Variants in DLGAP2 observed in about 807,000 individuals in gnomAD.
DLGAP2 encodes DLG associated protein 2.
DLGAP2 carries 26 observed loss-of-function variants against 100.3 expected under a neutral mutation model. The ratio of observed to expected loss-of-function variants is 0.26; its 90% CI spans 0.19 to 0.36. The LOEUF (loss-of-function observed/expected upper bound fraction) is 0.36, where lower values mean the gene tolerates loss of function less well. Ranked by LOEUF, DLGAP2 falls within the 10% of genes least tolerant of loss-of-function variation. DLGAP2 has a pLI of 1.00. For synonymous variants in DLGAP2, 886 were observed against 630.1 expected (o/e 1.41, Z -6.08); for missense variants, 1,858 against 1,453.2 (o/e 1.28, Z -4.53).
At chr8:871,845 C>T (rs181385564) in intron 1 of DLGAP2, among the ~76,000 whole-genome samples, 2 of 152,266 alleles carry the variant, frequency 1.3e-5, no homozygotes, top group Admixed American at 6.5e-5. Flanking sequence ...GTGGGCCCAC[C>T]TACTTGTTGG....
chr8:768,342 A>T (rs150146281), intron 1 of DLGAP2, among the ~76,000 whole-genome samples: 10 of 152,030 alleles, frequency 6.6e-5, no homozygotes, highest in Non-Finnish European at 1.5e-4. Flanking sequence ...AAATTACTCA[A>T]ATAACTGTTA....
chr8:972,804 AG>A (rs1800049284), intron 2 of DLGAP2, among the ~76,000 whole-genome samples: 1 of 152,148 alleles, frequency 6.6e-6, no homozygotes, highest in Non-Finnish European at 1.5e-5. Flanking sequence ...ACTTGAGATT[AG>A]GGAGTGGTGA....
At chr8:1,561,402 C>G (rs1802156410) in intron 5 of DLGAP2, among the ~76,000 whole-genome samples, 1 of 152,108 alleles carries the variant, frequency 6.6e-6, no homozygotes, top group Non-Finnish European at 1.5e-5. Context: ...TTAGAAGAAC[C>G]CGGCTGGAGA....
chr8:1,553,852 G>T (rs1007079422), intron 5 of DLGAP2, among the ~76,000 whole-genome samples: 3 of 152,222 alleles, frequency 2.0e-5, no homozygotes, highest in Admixed American at 2.0e-4. Context: ...GAGGTTTCCA[G>T]TTAGGTACAA....
chr8:1,226,827 G>A (rs1343240162), intron 2 of DLGAP2, among the ~76,000 whole-genome samples: 1 of 151,946 alleles, frequency 6.6e-6, no homozygotes, highest in African/African-American at 2.4e-5. Flanking sequence ...ACCACCTCAT[G>A]CCCACCAAAT....
intron 2 of DLGAP2, among the ~76,000 whole-genome samples, chr8:1,223,390 G>T (rs1404173495): frequency 6.6e-6 from 1 of 152,088 alleles, no homozygotes; most frequent in Admixed American, 6.5e-5. Flanking sequence ...CCGCGGTGCT[G>T]CATTTTTTAA....
At chr8:1,250,972 A>C (rs1321781757) in intron 2 of DLGAP2, among the ~76,000 whole-genome samples, 1 of 152,218 alleles carries the variant, frequency 6.6e-6, no homozygotes, top group Non-Finnish European at 1.5e-5. Context: ...TACGTGGCAC[A>C]GTGGTGAAGT....
At chr8:989,760 T>C (rs181908842) in intron 2 of DLGAP2, among the ~76,000 whole-genome samples, 97 of 152,294 alleles carry the variant, frequency 6.4e-4, no homozygotes, top group African/African-American at 2.2e-3. Context: ...ATACATAATA[T>C]TGTTTTTGTA....
At chr8:1,316,041 A>T (rs1166438211) in intron 3 of DLGAP2, among the ~76,000 whole-genome samples, 1 of 139,616 alleles carries the variant, frequency 7.2e-6, no homozygotes, top group South Asian at 2.5e-4. Flanking sequence ...GACACTTGGC[A>T]GCTTTTAAAA....
At chr8:1,232,734 G>T (rs1798563384) in intron 2 of DLGAP2, among the ~76,000 whole-genome samples, 1 of 152,148 alleles carries the variant, frequency 6.6e-6, no homozygotes, top group Admixed American at 6.5e-5. Flanking sequence ...CTTGTCTGAG[G>T]CCACTCACTC....
chr8:1,211,533 A>T lies in DLGAP2; in HGVS notation c.74-47318A>T, dbSNP rs145934135. ...TTAAATTTTCTGTTTGTAAACATGT[A>T]AACAGCTTATGTGAGGTGTTGCCAC... is the stretch of plus-strand genomic sequence containing the variant. On this transcript the variant is annotated intron_variant, in intron 2 of 14. Transcript: ENST00000637795. Among the ~76,000 whole-genome samples the T allele has an allele frequency of 3.3e-5, 5 of 152,372 alleles. No individual in the cohort carries two copies. The East Asian group carries it at 9.6e-4, about 29-fold the overall frequency.
chr8:1,333,864 AG>A (rs1231917367), intron 3 of DLGAP2, among the ~76,000 whole-genome samples: 2 of 152,246 alleles, frequency 1.3e-5, no homozygotes, highest in African/African-American at 4.8e-5. Context: ...CTAGCAGAGC[AG>A]GGGGAACAGA....
intron 1 of DLGAP2, among the ~76,000 whole-genome samples, chr8:863,348 C>A (rs140290017): frequency 3.3e-5 from 5 of 152,312 alleles, no homozygotes; most frequent in African/African-American, 1.2e-4. Context: ...CATCACACAA[C>A]AAATATTGAT....
chr8:1,467,951 C>A (rs1029674426), intron 3 of DLGAP2, among the ~76,000 whole-genome samples: 1 of 152,246 alleles, frequency 6.6e-6, no homozygotes, highest in East Asian at 1.9e-4. Flanking sequence ...TGAGGCTACA[C>A]ATTTTTGAAA....
intron 4 of DLGAP2, among the ~76,000 whole-genome samples, chr8:1,511,797 C>T (rs1341256508): frequency 1.3e-5 from 2 of 150,720 alleles, no homozygotes; most frequent in Non-Finnish European, 3.0e-5. Flanking sequence ...AGTAGATGAC[C>T]ATCTTCCATA....
At chr8:1,079,739 A>G (rs987461126) in intron 2 of DLGAP2, among the ~76,000 whole-genome samples, 2 of 152,204 alleles carry the variant, frequency 1.3e-5, no homozygotes, top group Non-Finnish European at 2.9e-5. Context: ...ATGGACATAA[A>G]TAGCAGCAAT....
rs777660875 is a variant in DLGAP2, at chr8:1,549,458, C to T, written c.1005C>T (p.Phe335=). The T allele has an allele frequency of 4.3e-6, 7 of 1,613,330 alleles. No individual in the cohort carries two copies. Among genetic ancestry groups the T allele is most frequent in the Non-Finnish European group, 4.2e-6 (5 of 1,179,778 alleles). Residue 335 remains phenylalanine (F), a synonymous_variant, in exon 5 of 15, where the codon TTC becomes TTT. Transcript: ENST00000637795. Reference sequence around the variant, plus strand: ...ACCCCGACGCGCTGCAGAGCCCCTTCGGGGACCTGTCCCTCAAGACCTCCA... The same window carrying T: ...ACCCCGACGCGCTGCAGAGCCCCTTTGGGGACCTGTCCCTCAAGACCTCCA... ...HCYPDALQSP[F]GDLSLKTSKS... is the part of the protein sequence containing the mutation.
intron 8 of DLGAP2, among the ~76,000 whole-genome samples, chr8:1,641,829 A>G (rs1393895936): frequency 6.6e-6 from 1 of 151,918 alleles, no homozygotes; most frequent in Non-Finnish European, 1.5e-5. Flanking sequence ...GTTTTCAGAT[A>G]TTGTGGAGAT....
At chr8:1,034,031 ACGCT>A (rs2129028598) in intron 2 of DLGAP2, among the ~76,000 whole-genome samples, 2 of 127,842 alleles carry the variant, frequency 1.6e-5, no homozygotes, top group South Asian at 2.6e-4. Flanking sequence ...GTGGATTCAC[ACGCT>A]CATCCCGACC....
Sources: allele counts gnomAD v4.1 joint callset (sites outside exome capture counted in the v4.1 genomes callset), GRCh38; gene constraint gnomAD v4.1.1; transcripts MANE v1.5; gene names NCBI Gene and HGNC (gene_info 2026-07-23, HGNC 2026-07-21).